METTL15: variants seen among roughly 807,000 people sequenced by gnomAD.
METTL15 encodes methyltransferase 15, mitochondrial 12S rRNA N4-cytidine.
METTL15 carries 34 observed loss-of-function variants against 38.3 expected under a neutral mutation model. That is an observed-to-expected ratio of 0.89 (90% CI 0.68 to 1.18). METTL15 has a LOEUF of 1.18. Among genes scored for constraint, METTL15 ranks in the 50% most tolerant of loss-of-function variants. The probability of loss-of-function intolerance (pLI) is 0.00; values close to 1 mark genes in which losing one functional copy is unlikely to be tolerated. For synonymous variants in METTL15, 162 were observed against 170.9 expected, an observed-to-expected ratio of 0.95 and a Z score of 0.41; for missense variants, 438 against 498.4, an observed-to-expected ratio of 0.88 and a Z score of 1.15.
chr11:28,304,454 C>A (rs1322674414), intron 6 of METTL15, among the ~76,000 whole-genome samples: 1 of 152,098 alleles, frequency 6.6e-6, no homozygotes, highest in Non-Finnish European at 1.5e-5. Flanking sequence ...CGCAGTGGCT[C>A]ACTCTATACT....
At chr11:28,278,249 G>A (rs1250018191) in intron 4 of METTL15, among the ~76,000 whole-genome samples, 2 of 152,106 alleles carry the variant, frequency 1.3e-5, no homozygotes, top group South Asian at 4.1e-4. Flanking sequence ...AAGCACAGAG[G>A]AAGTAGACAT....
chr11:28,409,758 G>T (rs1011777057), intron 5 of METTL15, among the ~76,000 whole-genome samples: 1 of 152,020 alleles, frequency 6.6e-6, no homozygotes, highest in African/African-American at 2.4e-5. Flanking sequence ...TTACCGCAAA[G>T]TTAGCAGAAG....
intron 6 of METTL15, among the ~76,000 whole-genome samples, chr11:28,497,097 G>A (rs779534681): frequency 1.2e-4 from 19 of 152,136 alleles, no homozygotes; most frequent in Admixed American, 5.2e-4. Flanking sequence ...TAACAACTGG[G>A]GAATAGTTAG....
At chr11:28,496,548 G>A (rs1409725472) in intron 6 of METTL15, among the ~76,000 whole-genome samples, 1 of 152,210 alleles carries the variant, frequency 6.6e-6, no homozygotes, top group African/African-American at 2.4e-5. Context: ...TGTGGCTTCT[G>A]CTGCCATTGG....
At chr11:28,399,344 C>T (rs533613900) in intron 5 of METTL15, among the ~76,000 whole-genome samples, 4 of 152,002 alleles carry the variant, frequency 2.6e-5, no homozygotes, top group African/African-American at 9.6e-5. Context: ...ACCATAAAAG[C>T]CCTAGAATTA....
chr11:28,525,863 G>T (rs1286704008), intron 6 of METTL15, among the ~76,000 whole-genome samples: 1 of 152,234 alleles, frequency 6.6e-6, no homozygotes, highest in Non-Finnish European at 1.5e-5. Flanking sequence ...CGCTTGTTGG[G>T]GAGGCTCAGG....
chr11:28,351,183 C>T (rs1328240916), intron 3 of METTL15, among the ~76,000 whole-genome samples: 1 of 152,090 alleles, frequency 6.6e-6, no homozygotes, highest in Non-Finnish European at 1.5e-5. Context: ...GCAATCGCAG[C>T]TCACTGCAGC....
intron 6 of METTL15, among the ~76,000 whole-genome samples, chr11:28,317,875 C>T (rs1307136367): frequency 6.6e-6 from 1 of 152,142 alleles, no homozygotes; most frequent in Non-Finnish European, 1.5e-5. Flanking sequence ...ACAGGGTTCT[C>T]AATCAATGCT....
At chr11:28,411,682 G>C (rs1850725520) in intron 5 of METTL15, among the ~76,000 whole-genome samples, 1 of 151,842 alleles carries the variant, frequency 6.6e-6, no homozygotes, top group African/African-American at 2.4e-5. Context: ...ACTTGACAAT[G>C]ATTTTTTCTT....
chr11:28,384,314 CTT>C (rs575254611), intron 5 of METTL15, among the ~76,000 whole-genome samples: 6 of 144,306 alleles, frequency 4.2e-5, no homozygotes, highest in Admixed American at 1.4e-4. Context: ...TTCTTTCTTT[CTT>C]TTTTTTTTTT....
At position 28,224,159 on chromosome 11, in the gene METTL15, G is replaced by A. The variant is rs373157164; in HGVS notation, c.407+12961G>A. Among the ~76,000 whole-genome samples, 13 of 151,840 alleles carry A rather than the reference G, an allele frequency of 8.6e-5. No homozygotes were observed. In the South Asian group the frequency reaches 1.9e-3, roughly 22 times the overall value. ...AGGTAATCGGGGTTAGTGATTTTACGTTTTTCATTTCATCTTTCTAATTGT... is the reference window on the plus strand; with the variant it reads ...AGGTAATCGGGGTTAGTGATTTTACATTTTTCATTTCATCTTTCTAATTGT... On this transcript the variant is annotated intron_variant, in intron 4 of 6. Transcript: ENST00000407364.
intron 5 of METTL15, among the ~76,000 whole-genome samples, chr11:28,374,949 T>C (rs1202201235): frequency 6.6e-6 from 1 of 151,998 alleles, no homozygotes; most frequent in African/African-American, 2.4e-5. Flanking sequence ...ATTGGTTCTG[T>C]TTATATGCTG....
chr11:28,124,549 A>G (rs1233102372), intron 3 of METTL15, among the ~76,000 whole-genome samples: 2 of 152,268 alleles, frequency 1.3e-5, no homozygotes, highest in African/African-American at 2.4e-5. Context: ...GGATAAGCCA[A>G]CTAGAGCCAT....
At chr11:28,241,450 C>T (rs1288512296) in intron 4 of METTL15, among the ~76,000 whole-genome samples, 3 of 151,544 alleles carry the variant, frequency 2.0e-5, no homozygotes, top group South Asian at 2.1e-4. Flanking sequence ...AGGAGAATGG[C>T]GTGAACCCGG....
intron 3 of METTL15, among the ~76,000 whole-genome samples, chr11:28,165,440 T>C (rs1390272657): frequency 6.6e-6 from 1 of 152,134 alleles, no homozygotes. Context: ...ATATAGAGCT[T>C]TTTTCATGAA....
At chr11:28,124,702 T>A (rs1376127153) in intron 3 of METTL15, among the ~76,000 whole-genome samples, 2 of 152,120 alleles carry the variant, frequency 1.3e-5, no homozygotes, top group Non-Finnish European at 2.9e-5. Flanking sequence ...GTCCTTTCTG[T>A]ACGTTTTCCC....
chr11:28,392,925 G>A lies in METTL15; in HGVS notation c.*358+30889G>A, dbSNP rs77715419. 3.1e-4 allele frequency among the ~76,000 whole-genome samples: 47 copies of A among 152,120 alleles called. No individual in the cohort carries two copies. The East Asian group carries it at 8.7e-3, about 28-fold the overall frequency. On this transcript the variant is annotated intron_variant and NMD_transcript_variant, in intron 5 of 7. Coordinates refer to the METTL15 transcript ENST00000532947. ...AGATGTTGAACATCACTGATCATTA[G>A]GGTGATACAAATCAAAATAATGATA...
At chr11:28,119,373 C>T (rs750875939) in intron 3 of METTL15, among the ~76,000 whole-genome samples, 15 of 152,130 alleles carry the variant, frequency 9.9e-5, no homozygotes, top group Non-Finnish European at 2.1e-4. Context: ...AACTAGAAGA[C>T]AGATGTGAGG....
At chr11:28,224,810 A>G (rs1046928206) in intron 4 of METTL15, among the ~76,000 whole-genome samples, 2 of 151,780 alleles carry the variant, frequency 1.3e-5, no homozygotes, top group African/African-American at 4.8e-5. Context: ...AAGGGTAATT[A>G]TATCCGGATA....
Sources: allele counts gnomAD v4.1 joint callset (sites outside exome capture counted in the v4.1 genomes callset), GRCh38; gene constraint gnomAD v4.1.1; transcripts MANE v1.5; gene names NCBI Gene and HGNC (gene_info 2026-07-23, HGNC 2026-07-21).